The following KCNJ10 variants were observed in gnomAD, a reference collection of about 807,000 sequenced individuals.
KCNJ10 encodes the protein potassium inwardly rectifying channel subfamily J member 10.
KCNJ10 carries 9 observed loss-of-function variants against 22.2 expected under a neutral mutation model. The observed-to-expected ratio is 0.40, with a 90% confidence interval of 0.24 to 0.71. KCNJ10 has a LOEUF of 0.71. Among genes scored for constraint, KCNJ10 ranks in the 30% least tolerant of loss-of-function variants. The probability of loss-of-function intolerance (pLI) is 0.35; values close to 1 mark genes in which losing one functional copy is unlikely to be tolerated. For missense variants in KCNJ10, 337 were observed against 482.7 expected (o/e 0.70, Z 2.83); for synonymous variants, 184 against 187.3 (o/e 0.98, Z 0.15).
intron 1 of KCNJ10, among the ~76,000 whole-genome samples, chr1:160,055,145 T>C (rs1380120918): frequency 6.6e-6 from 1 of 152,232 alleles, no homozygotes; most frequent in Non-Finnish European, 1.5e-5. Context: ...GGGTTCCCTA[T>C]TGGCAATATC....
At chr1:160,049,703 A>ATATATATATATT (rs1553235662) in intron 1 of KCNJ10, among the ~76,000 whole-genome samples, 1 of 126,026 alleles carries the variant, frequency 7.9e-6, no homozygotes, top group Non-Finnish European at 1.7e-5. Flanking sequence ...ATATATATAT[A>ATATATATATATT]TATATATATA....
chr1:160,057,009 C>T (rs1223780187), intron 1 of KCNJ10, among the ~76,000 whole-genome samples: 6 of 152,154 alleles, frequency 3.9e-5, no homozygotes, highest in Non-Finnish European at 5.9e-5. Context: ...TCTCCTTTCC[C>T]GCTATTTGCC....
In KCNJ10 at chr1:160,043,316, A is replaced by ACCC. The variant is rs1553235209; in HGVS notation, c.1-785_1-784insGGG. 2.1e-3 allele frequency among the ~76,000 whole-genome samples: 306 copies of ACCC among 142,464 alleles called. 2 individuals carry two copies. The highest frequency in any genetic ancestry group is 3.4e-3 in the Non-Finnish European group (215 of 64,002). 93.5% of individuals were successfully genotyped at this position (142,464 alleles called of 152,430 possible). A position where few individuals can be genotyped will look rare whatever the true frequency, so the allele number is the denominator to read the frequency against. The stretch of plus-strand genomic sequence containing the variant: ...ACACACACACACACACACACACACA[A>ACCC]CCTTAATTTCTTCATTCTCTGCTCT... On this transcript the variant is annotated intron_variant, in intron 1 of 1. Transcript: ENST00000644903.
Position 160,039,373 on chromosome 1 carries a change from G to GACACACACACACACAC in KCNJ10, c.*2004_*2019dup, listed in dbSNP as rs56656397. ...ACTTGGCAATGGATAGGAAGGTATA[G>GACACACACACACACAC]ACACACACACACACACACACACACA... On this transcript the variant is annotated 3_prime_UTR_variant, in exon 2 of 2. Coordinates refer to ENST00000644903, the MANE Select transcript of KCNJ10 (RefSeq NM_002241.5). 3.0e-5 allele frequency: 4 copies of GACACACACACACACAC among 134,952 alleles called. No individual in the cohort carries two copies. Among genetic ancestry groups the GACACACACACACACAC allele is most frequent in the African/African-American group, 8.5e-5 (3 of 35,190 alleles). 8.4% of individuals were successfully genotyped at this position (134,952 alleles called of 1,614,324 possible). A position where few individuals can be genotyped will look rare whatever the true frequency, so the allele number is the denominator to read the frequency against.
chr1:160,057,986 C>G (rs1649082864), intron 1 of KCNJ10, among the ~76,000 whole-genome samples: 1 of 152,038 alleles, frequency 6.6e-6, no homozygotes, highest in South Asian at 2.1e-4. Flanking sequence ...AGGGCCAACT[C>G]CTGTAGAGGC....
intron 1 of KCNJ10, among the ~76,000 whole-genome samples, chr1:160,057,992 G>A (rs1032942649): frequency 1.2e-4 from 19 of 152,070 alleles, no homozygotes; most frequent in Non-Finnish European, 7.4e-5. Context: ...AACTCCTGTA[G>A]AGGCTGTTTC....
At chr1:160,068,412 G>T (rs2101937876) in intron 1 of KCNJ10, among the ~76,000 whole-genome samples, 1 of 152,198 alleles carries the variant, frequency 6.6e-6, no homozygotes, top group Non-Finnish European at 1.5e-5. Context: ...ACCCAGGTTG[G>T]CAAGGGCTTT....
chr1:160,046,923 T>G (rs996385741), intron 1 of KCNJ10, among the ~76,000 whole-genome samples: 5 of 152,238 alleles, frequency 3.3e-5, no homozygotes, highest in African/African-American at 1.2e-4. Context: ...GACAGAATTC[T>G]GAAGACCAGC....
intron 1 of KCNJ10, among the ~76,000 whole-genome samples, chr1:160,051,875 G>A (rs143216919): frequency 4.6e-5 from 7 of 151,820 alleles, no homozygotes; most frequent in African/African-American, 7.3e-5. Context: ...TCCCCGACCC[G>A]TTCCTCCTTC....
At chr1:160,058,657 T>C (rs1452548018) in intron 1 of KCNJ10, among the ~76,000 whole-genome samples, 2 of 152,046 alleles carry the variant, frequency 1.3e-5, no homozygotes, top group Non-Finnish European at 2.9e-5. Flanking sequence ...GGAGAGGAAG[T>C]GGAGGGACCC....
At chr1:160,043,272 A>C (rs2486255) in intron 1 of KCNJ10, among the ~76,000 whole-genome samples, 22,206 of 132,468 alleles carry the variant, frequency 0.17, 2,155 homozygotes, top group Middle Eastern at 0.2. Flanking sequence ...TCCCCCTTAA[A>C]ACACACACAC....
At chr1:160,054,712 C>T (rs1648982380) in intron 1 of KCNJ10, among the ~76,000 whole-genome samples, 1 of 152,110 alleles carries the variant, frequency 6.6e-6, no homozygotes, top group Admixed American at 6.5e-5. Context: ...CATCACCTGG[C>T]CTAGGCCCCG....
At chr1:160,056,180 C>T (rs960639345) in intron 1 of KCNJ10, among the ~76,000 whole-genome samples, 1 of 152,152 alleles carries the variant, frequency 6.6e-6, no homozygotes, top group Non-Finnish European at 1.5e-5. Flanking sequence ...GCAATGGTCT[C>T]CTGGTTCTCT....
chr1:160,067,185 A>G (rs1425303529), intron 1 of KCNJ10, among the ~76,000 whole-genome samples: 1 of 151,404 alleles, frequency 6.6e-6, no homozygotes, highest in Admixed American at 6.6e-5. Flanking sequence ...TTCCCCCACC[A>G]CCTCAAATCC....
At chr1:160,049,373 C>G (rs1381322044) in intron 1 of KCNJ10, among the ~76,000 whole-genome samples, 2 of 152,024 alleles carry the variant, frequency 1.3e-5, no homozygotes, top group East Asian at 3.9e-4. Context: ...CTGCTCCCTG[C>G]TGTGCACTCC....
Position 160,041,741 on chromosome 1 carries a change from G to A in KCNJ10, c.792C>T (p.Pro264=). The change falls in exon 2 of 2, where the codon CCC becomes CCT. Residue 264 remains proline (P), a synonymous_variant. Coordinates refer to ENST00000644903, the MANE Select transcript of KCNJ10 (RefSeq NM_002241.5). The surrounding 1 kb of genome is among the most constrained non-coding windows in gnomAD (Gnocchi z 4.4). ...CACTGCGAAGAGGGAGATCTTTCAA[G>A]GGACTGGTCTCATCTACCACATGAT... The part of the protein sequence containing the change: ...TFYHVVDETS[P]LKDLPLRSGE... The A allele has an allele frequency of 6.2e-7, 1 of 1,614,138 alleles. No homozygotes were observed. Among genetic ancestry groups the A allele is most frequent in the Non-Finnish European group, 8.5e-7 (1 of 1,180,012 alleles).
intron 1 of KCNJ10, among the ~76,000 whole-genome samples, chr1:160,051,039 G>T (rs1648889499): frequency 6.6e-6 from 1 of 152,208 alleles, no homozygotes; most frequent in East Asian, 1.9e-4. Context: ...CACCTCCCGG[G>T]TTCAAGCGAT....
chr1:160,043,097 G>C (rs1042826780), intron 1 of KCNJ10, among the ~76,000 whole-genome samples: 1 of 152,138 alleles, frequency 6.6e-6, no homozygotes, highest in Non-Finnish European at 1.5e-5. Context: ...AGAAAAGAAA[G>C]AGTAGTAGCT....
intron 1 of KCNJ10, among the ~76,000 whole-genome samples, chr1:160,061,217 C>G (rs973779860): frequency 3.9e-5 from 6 of 152,004 alleles, no homozygotes; most frequent in African/African-American, 1.4e-4. Context: ...GGGGGAAAAA[C>G]ACAAAAAAAC....
Sources: gnomAD v4.1 joint callset for allele counts (sites outside exome capture counted in the v4.1 genomes callset) on GRCh38, gnomAD v4.1.1 for gene constraint, Gnocchi (gnomAD v3.1) non-coding constraint, MANE v1.5 for transcripts, NCBI Gene and HGNC (gene_info 2026-07-23, HGNC 2026-07-21) for gene names.